TTN: variants seen among roughly 807,000 people sequenced by gnomAD.
The protein encoded by TTN is connectin.
A neutral mutation model predicts 3,223.0 loss-of-function variants in TTN; 1,525 were observed. The ratio of observed to expected loss-of-function variants is 0.47; its 90% CI spans 0.45 to 0.49. The LOEUF (loss-of-function observed/expected upper bound fraction) is 0.49. TTN is among the 20% of genes least tolerant of loss of function. The pLI is 0.00. For missense variants in TTN, 40,786 were observed against 43,424.0 expected (o/e 0.94, Z 5.40); for synonymous variants, 14,094 against 15,161.0 (o/e 0.93, Z 5.17).
chr2:178,720,510 G>A lies in TTN; in HGVS notation c.23252C>T (p.Thr7751Ile). The change falls in exon 80 of 363, where the codon ACT becomes ATT. Residue 7751 changes from threonine to isoleucine, a missense_variant. Thr to Ile is a moderately conservative substitution (Grantham distance 89). Transcript: ENST00000589042. ...QVRNSKKFKITSKHFDTSLHI... is the reference protein window; with the variant it reads ...QVRNSKKFKIISKHFDTSLHI... ...AAGACTTGTATCAAAATGTTTTGAAGTGATTTTAAATTTCTTGCTGTTTCT... is the reference window on the plus strand; with the variant it reads ...AAGACTTGTATCAAAATGTTTTGAAATGATTTTAAATTTCTTGCTGTTTCT... The A allele has an allele frequency of 3.1e-6, 5 of 1,613,658 alleles. No individual in the cohort carries two copies. The highest frequency in any genetic ancestry group is 1.7e-4 in the Middle Eastern group (1 of 6,054).
chr2:178,742,062 A>G lies in TTN; in HGVS notation c.11312-141T>C, dbSNP rs1473771784. 31 of 732,320 alleles carry G rather than the reference A, an allele frequency of 4.2e-5. 1 individual carries two copies. Among genetic ancestry groups the G allele is most frequent in the Non-Finnish European group, 5.8e-5 (31 of 535,068 alleles). The allele number at this position is 732,320 out of a possible 1,614,324, so 45.4% of individuals were successfully genotyped here. Reference sequence around the variant, plus strand: ...TAGATTATTCCAAGATTAATGTATCAAAAAGCACATTTCTAAATTTTTCTT... The same window carrying G: ...TAGATTATTCCAAGATTAATGTATCGAAAAGCACATTTCTAAATTTTTCTT... On this transcript the variant is annotated intron_variant, in intron 47 of 362. Coordinates refer to ENST00000589042, the MANE Select transcript of TTN (RefSeq NM_001267550.2).
In TTN at chr2:178,578,636, C is replaced by A; in HGVS notation, c.68304G>T (p.Lys22768Asn). The change falls in exon 321 of 363, where the codon AAG (lysine) becomes AAT (asparagine). Residue 22768 changes from lysine (K) to asparagine (N), a missense_variant. Lys to Asn is a moderately conservative substitution (Grantham distance 94). Transcript: ENST00000589042. ...CTGTAATTGGAGAACCACCAGTTTT[C>A]TTGGGGTCAGTCCAAGTTAGAGATA... ...DSVSLTWTDP[K>N]KTGGSPITGY... The A allele has an allele frequency of 6.2e-7, 1 of 1,611,804 alleles. No homozygotes were observed. The highest frequency in any genetic ancestry group is 1.1e-5 in the South Asian group (1 of 90,752).
At chr2:178,746,734 T>C in intron 47 of TTN, 4 of 1,613,438 alleles carry the variant, frequency 2.5e-6, no homozygotes, top group Non-Finnish European at 3.4e-6. Context: ...CTGGCTCTAG[T>C]AAAGATTTAT....
intron 8 of TTN, among the ~76,000 whole-genome samples, chr2:178,794,160 C>T (rs150492819): frequency 1.4e-4 from 22 of 152,344 alleles, no homozygotes; most frequent in African/African-American, 3.8e-4. Flanking sequence ...TTTGCCTGCT[C>T]ATATAGCCCA....
chr2:178,566,690 G>A lies in TTN; in HGVS notation c.79442C>T (p.Ala26481Val), dbSNP rs1320046233. 1.9e-6 allele frequency: 3 copies of A among 1,613,168 alleles called. No homozygotes were observed. The Admixed American group carries it at 5.0e-5, about 27-fold the overall frequency. Residue 26481 changes from alanine to valine, a missense_variant, in exon 326 of 363, where the codon GCC becomes GTC. Physicochemically the swap from Ala to Val is moderately conservative, Grantham distance 64. Coordinates refer to ENST00000589042, the MANE Select transcript of TTN (RefSeq NM_001267550.2). ...EPSPATVYYKACDPVFKPGPP... is the reference protein window; with the variant it reads ...EPSPATVYYKVCDPVFKPGPP... ...GCCAGGTTTGAACACAGGATCACAG[G>A]CTTTATAATAAACTGTAGCTGGACT...
At position 178,684,391 on chromosome 2, in the gene TTN, A is replaced by G. The variant is rs747161663; in HGVS notation, c.32661T>C (p.Ile10887=). ...PAKVTERHMQ[I]TQEEKVLVAV... ...CAACAAGAACTTTTTCTTCCTGGGT[A>G]ATTTGCATGTGCCTCTCAGTCACTT... is the stretch of plus-strand genomic sequence containing the variant. The change falls in exon 132 of 363, where the codon ATT becomes ATC. Residue 10887 remains isoleucine, a synonymous_variant. Coordinates refer to ENST00000589042, the MANE Select transcript of TTN (RefSeq NM_001267550.2). The G allele has an allele frequency of 1.7e-5, 28 of 1,613,548 alleles. No individual in the cohort carries two copies. The South Asian group carries it at 3.1e-4, about 18-fold the overall frequency.
chr2:178,581,837 A>C, intron 315 of TTN, 33 bp from the exon 316 acceptor site: 1 of 1,597,382 alleles, frequency 6.3e-7, no homozygotes, highest in Non-Finnish European at 8.5e-7. Context: ...AATTTTCATG[A>C]AAACTTCCTT....
At chr2:178,664,369 T>A in intron 168 of TTN, 91 bp downstream of exon 168, 2 of 1,006,522 alleles carry the variant, frequency 2.0e-6, no homozygotes, top group Non-Finnish European at 3.0e-6. Flanking sequence ...GATTCACATG[T>A]ACACATCAAA....
At chr2:178,747,716 G>A (rs1166619649) in intron 47 of TTN, 2 of 1,611,966 alleles carry the variant, frequency 1.2e-6, no homozygotes, top group Admixed American at 1.7e-5. Flanking sequence ...TGCCTCAGTG[G>A]TATGTGCCTC....
In TTN at chr2:178,774,979, G is replaced by A; in HGVS notation, c.6732C>T (p.Tyr2244=). Reference sequence around the variant, plus strand: ...TTTCATCTTCCACAAGTACACAGCTGTAATCTTCAGCATCAGACGTATCAA... The same window carrying A: ...TTTCATCTTCCACAAGTACACAGCTATAATCTTCAGCATCAGACGTATCAA... ...LTIDTSDAED[Y]SCVLVEDENV... is the part of the protein sequence containing the mutation. Residue 2244 remains tyrosine, a synonymous_variant, in exon 29 of 363, where the codon TAC becomes TAT. Coordinates refer to ENST00000589042, the MANE Select transcript of TTN (RefSeq NM_001267550.2). 1 of 1,613,952 alleles carries A rather than the reference G, an allele frequency of 6.2e-7. No homozygotes were observed. Among genetic ancestry groups the A allele is most frequent in the Non-Finnish European group, 8.5e-7 (1 of 1,179,924 alleles).
In TTN at chr2:178,587,304, C is replaced by T. The variant is rs372812312; in HGVS notation, c.63907G>A (p.Val21303Met). Residue 21303 changes from valine to methionine, a missense_variant, in exon 307 of 363, where the codon GTG becomes ATG. Physicochemically the swap from Val to Met is conservative, Grantham distance 21. Coordinates refer to ENST00000589042, the MANE Select transcript of TTN (RefSeq NM_001267550.2). ...DGGSQVTHYI[V>M]EKREADRKTW... ...TTTCTGTCTGCCTCACGTTTCTCCA[C>T]GATATAATGTGTCACTTGGCTCCCA... 118 of 1,612,874 alleles carry T rather than the reference C, an allele frequency of 7.3e-5. 1 individual carries two copies. The highest frequency in any genetic ancestry group is 3.1e-4 in the South Asian group (28 of 91,066).
At chr2:178,799,430 G>A (rs894578041) in intron 6 of TTN, 57 bp downstream of exon 6, 37 of 1,612,062 alleles carry the variant, frequency 2.3e-5, no homozygotes, top group African/African-American at 1.3e-4. Context: ...AATCTTTCTC[G>A]TTTCAAAACC....
rs61060584 is a variant in TTN, at chr2:178,677,335, CATATATATATAT to C, written c.34292-60_34292-49del. ...GCATTAAAAACCACATATACATGGT[CATATATATATAT>C]ATATATATATATATGAAAGAGACAC... On this transcript the variant is annotated intron_variant, in intron 146 of 362. Coordinates refer to ENST00000589042, the MANE Select transcript of TTN (RefSeq NM_001267550.2). The C allele has an allele frequency of 2.6e-4, 66 of 251,900 alleles. 3 individuals are homozygous for C. The highest frequency in any genetic ancestry group is 7.0e-4 in the African/African-American group (16 of 22,700). 15.6% of individuals were successfully genotyped at this position (251,900 alleles called of 1,614,324 possible).
In TTN at chr2:178,790,777, T is replaced by C. The variant is rs1421574674; in HGVS notation, c.1731A>G (p.Leu577=). The C allele has an allele frequency of 1.2e-6, 2 of 1,614,058 alleles. No individual in the cohort carries two copies. Among genetic ancestry groups the C allele is most frequent in the Non-Finnish European group, 1.7e-6 (2 of 1,180,012 alleles). ...CTTCTTGAGCTCCCGGGACTGTTTC[T>C]AGTTTTGTGGACTTTGCAGTGGCAA... ...VVVATAKSTK[L]ETVPGAQEET... The change falls in exon 11 of 363, where the codon CTA becomes CTG. Residue 577 remains leucine (L), a synonymous_variant. Coordinates refer to ENST00000589042, the MANE Select transcript of TTN (RefSeq NM_001267550.2).
chr2:178,590,258 T>C lies in TTN; in HGVS notation c.61467A>G (p.Arg20489=), dbSNP rs1294642099. The C allele has an allele frequency of 1.3e-6, 2 of 1,581,214 alleles. No individual in the cohort carries two copies. Among genetic ancestry groups the C allele is most frequent in the Admixed American group, 3.5e-5 (2 of 56,842 alleles). Residue 20489 remains arginine, a synonymous_variant, in exon 304 of 363, where the codon AGA becomes AGG. Transcript: ENST00000589042. ...DVTCRDVITV[R]VGQTIRILAR... is the part of the protein sequence containing the mutation. ...CTAGAATGCGGATAGTTTGGCCTAC[T>C]CTCACGGTAATAACATCACGACAAG...
chr2:178,747,488 A>G (rs988095266), intron 47 of TTN: 6 of 1,613,416 alleles, frequency 3.7e-6, no homozygotes, highest in Non-Finnish European at 5.1e-6. Flanking sequence ...TCCCACACCA[A>G]TGGAAATGTC....
intron 342 of TTN, 24 bp downstream of exon 342, chr2:178,546,188 T>C: frequency 6.3e-7 from 1 of 1,596,732 alleles, no homozygotes; most frequent in South Asian, 1.1e-5. Context: ...GCTATATAAA[T>C]GTGAGAACAT....
Position 178,612,282 on chromosome 2 carries a change from G to C in TTN, c.50243C>G (p.Thr16748Ser), listed in dbSNP as rs1471786571. 1.9e-6 allele frequency: 3 copies of C among 1,611,914 alleles called. No homozygotes were observed. The African/African-American group carries it at 4.0e-5, about 22-fold the overall frequency. Residue 16748 changes from threonine to serine, a missense_variant, in exon 266 of 363, where the codon ACC becomes AGC. Physicochemically the swap from Thr to Ser is moderately conservative, Grantham distance 58. Coordinates refer to ENST00000589042, the MANE Select transcript of TTN (RefSeq NM_001267550.2). Reference sequence around the variant, plus strand: ...GATTAAGTGCAAGAGCATACTAAAGGTGTCTTTGGCCAGCACAGAGTCCTC... The same window carrying C: ...GATTAAGTGCAAGAGCATACTAAAGCTGTCTTTGGCCAGCACAGAGTCCTC... ...EIEDSVLAKD[T>S]FTTPGPPYAL...
At position 178,732,345 on chromosome 2, in the gene TTN, G is replaced by C; in HGVS notation, c.16624C>G (p.Pro5542Ala). Reference protein sequence around the residue: ...ECSANLFVKEPATFVEKLEPS... With the variant: ...ECSANLFVKEAATFVEKLEPS... ...TCTAACTTTTCAACAAATGTGGCAGGTTCTGTGGAAGGAAGGAAGTTATTA... is the reference window on the plus strand; with the variant it reads ...TCTAACTTTTCAACAAATGTGGCAGCTTCTGTGGAAGGAAGGAAGTTATTA... The change falls in exon 57 of 363, where the codon CCT becomes GCT. Residue 5542 changes from proline to alanine, a missense_variant and splice_region_variant. Physicochemically the swap from Pro to Ala is conservative, Grantham distance 27. Transcript: ENST00000589042. The C allele has an allele frequency of 6.3e-7, 1 of 1,594,810 alleles. No homozygotes were observed. Among genetic ancestry groups the C allele is most frequent in the Non-Finnish European group, 8.5e-7 (1 of 1,169,942 alleles).
Sources: gnomAD v4.1 joint callset for allele counts (sites outside exome capture counted in the v4.1 genomes callset) on GRCh38, gnomAD v4.1.1 for gene constraint, MANE v1.5 for transcripts, NCBI Gene and HGNC (gene_info 2026-07-23, HGNC 2026-07-21) for gene names.